RAB3C: variants seen among roughly 807,000 people sequenced by gnomAD.
The protein encoded by RAB3C is ras-related protein Rab-3C.
Under a neutral mutation model 26.4 loss-of-function variants are expected in RAB3C, and 17 were observed. That is an observed-to-expected ratio of 0.64 (90% CI 0.44 to 0.97). RAB3C has a LOEUF of 0.97. Ranked by LOEUF, RAB3C falls within the 50% of genes least tolerant of loss-of-function variation. The pLI is 0.00. For synonymous variants in RAB3C, 91 were observed against 95.9 expected, an observed-to-expected ratio of 0.95 and a Z score of 0.30; for missense variants, 242 against 281.9, an observed-to-expected ratio of 0.86 and a Z score of 1.01.
At chr5:58,752,044 C>A (rs922411804) in intron 3 of RAB3C, among the ~76,000 whole-genome samples, 1 of 149,732 alleles carries the variant, frequency 6.7e-6, no homozygotes, top group African/African-American at 2.5e-5. Context: ...AAACTGTTAA[C>A]AAAATTATTA....
At chr5:58,729,526 A>G (rs1264899883) in intron 3 of RAB3C, among the ~76,000 whole-genome samples, 7 of 151,540 alleles carry the variant, frequency 4.6e-5, no homozygotes. Context: ...TGACTGGCTT[A>G]TTTTACGTAA....
chr5:58,690,373 A>G (rs1748545898), intron 2 of RAB3C, among the ~76,000 whole-genome samples: 2 of 152,162 alleles, frequency 1.3e-5, no homozygotes, highest in East Asian at 3.9e-4. Context: ...TCCTATGTAA[A>G]AAAACTGGAC....
At chr5:58,840,144 C>A (rs1374947106) in intron 4 of RAB3C, among the ~76,000 whole-genome samples, 1 of 151,802 alleles carries the variant, frequency 6.6e-6, no homozygotes, top group African/African-American at 2.4e-5. Context: ...TCCCATAAGT[C>A]CTGTAGGCTT....
At position 58,855,438 on chromosome 5, in the gene RAB3C, A is replaced by G. The variant is rs1355793457; in HGVS notation, c.*4087A>G. ...TTCTCTCACAATTACAGTTTGCATGACTAGAACCCGGAACTCTGTTCCTTT... is the reference window on the plus strand; with the variant it reads ...TTCTCTCACAATTACAGTTTGCATGGCTAGAACCCGGAACTCTGTTCCTTT... On this transcript the variant is annotated 3_prime_UTR_variant, in exon 5 of 5. Transcript: ENST00000282878. The G allele has an allele frequency of 1.3e-5, 2 of 152,174 alleles. No individual in the cohort carries two copies. The highest frequency in any genetic ancestry group is 4.8e-5 in the African/African-American group (2 of 41,436). The allele number at this position is 152,174 out of a possible 1,614,324, so 9.4% of individuals were successfully genotyped here.
intron 3 of RAB3C, among the ~76,000 whole-genome samples, chr5:58,744,088 A>G (rs776086740): frequency 1.3e-5 from 2 of 152,208 alleles, no homozygotes; most frequent in Non-Finnish European, 2.9e-5. Context: ...CAGGAATTCA[A>G]ACTGAAGTGT....
At chr5:58,753,746 G>GA (rs1247928888) in intron 3 of RAB3C, among the ~76,000 whole-genome samples, 1 of 152,144 alleles carries the variant, frequency 6.6e-6, no homozygotes, top group Non-Finnish European at 1.5e-5. Flanking sequence ...AGAACCAAGG[G>GA]AATGGCAGAC....
At position 58,583,250 on chromosome 5, in the gene RAB3C, G is replaced by A. The variant is rs1364315043; in HGVS notation, c.24+18G>A. The stretch of plus-strand genomic sequence containing the variant: ...CCATGCAGGTGGGTCCATAAAGAAA[G>A]AGTGGCCTCGGGAGGAATTGAAAGA... On this transcript the variant is annotated intron_variant, in intron 1 of 4. Coordinates refer to ENST00000282878, the MANE Select transcript of RAB3C (RefSeq NM_138453.4). 3.7e-6 allele frequency: 6 copies of A among 1,614,170 alleles called. No homozygotes were observed. Among genetic ancestry groups the A allele is most frequent in the Non-Finnish European group, 5.1e-6 (6 of 1,180,028 alleles).
chr5:58,740,167 G>A (rs1741246721), intron 3 of RAB3C, among the ~76,000 whole-genome samples: 1 of 152,210 alleles, frequency 6.6e-6, no homozygotes, highest in African/African-American at 2.4e-5. Context: ...TGTGGGCATG[G>A]GAGAGCACAA....
At chr5:58,740,616 T>C (rs1741255956) in intron 3 of RAB3C, among the ~76,000 whole-genome samples, 1 of 152,078 alleles carries the variant, frequency 6.6e-6, no homozygotes, top group South Asian at 2.1e-4. Flanking sequence ...GGTCAAGAGA[T>C]AAAGATCAGC....
Position 58,851,263 on chromosome 5 carries a change from T to C in RAB3C, c.596T>C (p.Leu199Ser). The change falls in exon 5 of 5, where the codon TTG becomes TCG. Residue 199 changes from leucine to serine, a missense_variant. Transcript: ENST00000282878. ...ATCTGCGACAAAATGTCAGAGAGTT[T>C]GGAGACTGATCCTGCCATCACTGCT... Reference protein sequence around the residue: ...DIICDKMSESLETDPAITAAK... With the variant: ...DIICDKMSESSETDPAITAAK... 1 of 1,613,930 alleles carries C rather than the reference T, an allele frequency of 6.2e-7. No individual in the cohort carries two copies. Among genetic ancestry groups the C allele is most frequent in the Non-Finnish European group, 8.5e-7 (1 of 1,179,918 alleles).
At chr5:58,786,977 A>G (rs1742404326) in intron 3 of RAB3C, among the ~76,000 whole-genome samples, 5 of 152,234 alleles carry the variant, frequency 3.3e-5, no homozygotes, top group Middle Eastern at 6.8e-3. Flanking sequence ...AGGCTCCGAG[A>G]TAAGACGACC....
chr5:58,691,262 GAAT>G (rs1328441360), intron 2 of RAB3C, among the ~76,000 whole-genome samples: 2 of 152,120 alleles, frequency 1.3e-5, no homozygotes, highest in East Asian at 3.9e-4. Flanking sequence ...GGCTGTGGGG[GAAT>G]GTATAATGAA....
intron 3 of RAB3C, among the ~76,000 whole-genome samples, chr5:58,787,607 A>G (rs565679980): frequency 6.6e-6 from 1 of 152,320 alleles, no homozygotes; most frequent in East Asian, 1.9e-4. Flanking sequence ...TATTTCCCCT[A>G]CATACAGACC....
At chr5:58,636,456 G>A (rs888274426) in intron 2 of RAB3C, among the ~76,000 whole-genome samples, 4 of 152,130 alleles carry the variant, frequency 2.6e-5, no homozygotes, top group Admixed American at 2.6e-4. Flanking sequence ...CTCTTGATTA[G>A]CCATCACCTT....
chr5:58,665,527 A>T (rs898092231), intron 2 of RAB3C, among the ~76,000 whole-genome samples: 6 of 152,170 alleles, frequency 3.9e-5, no homozygotes, highest in Non-Finnish European at 8.8e-5. Flanking sequence ...AAGACTATTT[A>T]TTAGTACCAA....
chr5:58,789,016 C>T (rs905145993), intron 3 of RAB3C, among the ~76,000 whole-genome samples: 3 of 151,924 alleles, frequency 2.0e-5, no homozygotes, highest in East Asian at 1.9e-4. Context: ...AACATGGGCA[C>T]GTGAATCTGG....
intron 3 of RAB3C, among the ~76,000 whole-genome samples, chr5:58,765,941 C>T (rs1230965083): frequency 1.3e-5 from 2 of 152,038 alleles, no homozygotes; most frequent in Admixed American, 6.6e-5. Flanking sequence ...GTAGCACCTC[C>T]CCCTGCCCAC....
chr5:58,745,392 CAAAAAAAAAAAA>C (rs1173604247), intron 3 of RAB3C, among the ~76,000 whole-genome samples: 7 of 33,110 alleles, frequency 2.1e-4, no homozygotes, highest in East Asian at 9.2e-4. Flanking sequence ...GACTCTGCTT[CAAAAAAAAAAAA>C]AAAAAAAAAA....
chr5:58,772,098 G>A (rs1742041415), intron 3 of RAB3C, among the ~76,000 whole-genome samples: 1 of 152,080 alleles, frequency 6.6e-6, no homozygotes, highest in Admixed American at 6.6e-5. Context: ...CACTTCTATA[G>A]TCCTCTCAAG....
Sources: gnomAD v4.1 joint callset for allele counts (sites outside exome capture counted in the v4.1 genomes callset) on GRCh38, gnomAD v4.1.1 for gene constraint, MANE v1.5 for transcripts, NCBI Gene and HGNC (gene_info 2026-07-23, HGNC 2026-07-21) for gene names.